The following BDNF variants were observed in gnomAD, a reference collection of about 807,000 sequenced individuals.
BDNF encodes neurotrophic factor BDNF precursor form.
Under a neutral mutation model 19.5 loss-of-function variants are expected in BDNF, and 1 was observed. The ratio of observed to expected loss-of-function variants is 0.05; its 90% CI spans 0.02 to 0.24. BDNF has a LOEUF of 0.24. Ranked by LOEUF, BDNF falls within the 10% of genes least tolerant of loss-of-function variation. BDNF has a pLI of 1.00. For missense variants in BDNF, 195 were observed against 317.6 expected (o/e 0.61, Z 2.93); for synonymous variants, 100 against 121.6 (o/e 0.82, Z 1.17).
At chr11:27,701,398 C>G, upstream of BDNF, 1 of 1,031,488 alleles carries the variant, frequency 9.7e-7, no homozygotes, top group South Asian at 3.7e-5. Flanking sequence ...ACGTTCCCTT[C>G]GCTTAATTAA....
Position 27,658,560 on chromosome 11 carries a change from G to C in BDNF, c.5C>G (p.Thr2Ser). The C allele has an allele frequency of 6.2e-7, 1 of 1,614,184 alleles. No homozygotes were observed. The highest frequency in any genetic ancestry group is 8.5e-7 in the Non-Finnish European group (1 of 1,180,010). The part of the protein sequence containing the change: M[T>S]ILFLTMVISY... ...AATAACCATAGTAAGGAAAAGGATG[G>C]TCATCACTCTTCTCACCTGGTGGAA... The change falls in exon 2 of 2, where the codon ACC (threonine) becomes AGC (serine). Residue 2 changes from threonine to serine, a missense_variant. Coordinates refer to ENST00000356660, the MANE Select transcript of BDNF (RefSeq NM_001709.5). This position sits in a 1 kb window ranked among gnomAD's most constrained non-coding sequence, Gnocchi z 5.7.
intron 1 of BDNF, among the ~76,000 whole-genome samples, chr11:27,695,628 A>G (rs80156843): frequency 0.025 from 3,823 of 152,250 alleles, 144 homozygotes; most frequent in African/African-American, 0.079. Context: ...GGAAAACTAT[A>G]TAACGTTCCT....
chr11:27,668,147 G>A (rs750056411), intron 1 of BDNF, among the ~76,000 whole-genome samples: 2 of 152,136 alleles, frequency 1.3e-5, no homozygotes, highest in Admixed American at 6.6e-5. Flanking sequence ...TGGAAACTGA[G>A]CAACCTGCTC....
At chr11:27,685,243 T>C (rs191468556) in intron 1 of BDNF, among the ~76,000 whole-genome samples, 20 of 152,342 alleles carry the variant, frequency 1.3e-4, no homozygotes, top group African/African-American at 4.3e-4. Flanking sequence ...AGTGGTGATA[T>C]CCTCTTTATC....
At chr11:27,716,205 T>A (rs1860501687) in intron 1 of BDNF, among the ~76,000 whole-genome samples, 1 of 152,186 alleles carries the variant, frequency 6.6e-6, no homozygotes, top group Admixed American at 6.5e-5. Context: ...TTTGAAATTA[T>A]AATCACCTTT....
At chr11:27,704,151 GT>G (rs1346827391), upstream of BDNF, among the ~76,000 whole-genome samples, 3 of 152,132 alleles carry the variant, frequency 2.0e-5, no homozygotes, top group Admixed American at 6.5e-5. Context: ...AAGTTTCCAA[GT>G]TTATAATCTG....
chr11:27,657,349 G>A lies in BDNF; in HGVS notation c.*472C>T, dbSNP rs1203327525. 5 of 997,234 alleles carry A rather than the reference G, an allele frequency of 5.0e-6. No individual in the cohort carries two copies. Among genetic ancestry groups the A allele is most frequent in the African/African-American group, 1.7e-5 (1 of 57,288 alleles). The allele number at this position is 997,234 out of a possible 1,614,324, so 61.8% of individuals were successfully genotyped here. ...ACCTTGACATTGTTTTAATTCCAAC[G>A]CTATCAGAAGTTAAAAGCAGTAAAA... On this transcript the variant is annotated 3_prime_UTR_variant, in exon 2 of 2. Coordinates refer to ENST00000356660, the MANE Select transcript of BDNF (RefSeq NM_001709.5). The surrounding 1 kb of genome is among the most constrained non-coding windows in gnomAD (Gnocchi z 5.0).
intron 1 of BDNF, among the ~76,000 whole-genome samples, chr11:27,684,012 C>T (rs4633417): frequency 0.48 from 72,375 of 151,866 alleles, 17,462 homozygotes; most frequent in Admixed American, 0.54. Flanking sequence ...GCCATTTTCA[C>T]GATATTGATT....
intron 1 of BDNF, among the ~76,000 whole-genome samples, chr11:27,683,818 A>G (rs1857146615): frequency 6.6e-6 from 1 of 152,116 alleles, no homozygotes; most frequent in Non-Finnish European, 1.5e-5. Context: ...GCCTTGTAGT[A>G]TAGTTTGAAG....
At chr11:27,660,944 G>C (rs1305297415) in intron 1 of BDNF, among the ~76,000 whole-genome samples, 1 of 151,866 alleles carries the variant, frequency 6.6e-6, no homozygotes, top group Non-Finnish European at 1.5e-5. Flanking sequence ...TTCTATACTT[G>C]GCTTCTAGTT....
chr11:27,683,183 G>A (rs1368002069), intron 1 of BDNF, among the ~76,000 whole-genome samples: 1 of 152,198 alleles, frequency 6.6e-6, no homozygotes, highest in Non-Finnish European at 1.5e-5. Context: ...TTCTTCGTAT[G>A]TTTGTTGGCA....
chr11:27,668,650 A>G lies in BDNF; in HGVS notation c.-21-10065T>C, dbSNP rs371448102. On this transcript the variant is annotated intron_variant, in intron 1 of 1. Transcript: ENST00000356660. ...ATAAACACTTCTATGCAAATAAACT[A>G]GAAAACCTAAAAGAAATTTATAAAT... Among the ~76,000 whole-genome samples the G allele has an allele frequency of 5.9e-5, 9 of 152,330 alleles. No homozygotes were observed. The East Asian group carries it at 1.4e-3, about 23-fold the overall frequency.
chr11:27,708,311 T>C (rs992886280), intron 1 of BDNF, among the ~76,000 whole-genome samples: 1 of 152,232 alleles, frequency 6.6e-6, no homozygotes, highest in African/African-American at 2.4e-5. Flanking sequence ...TTAGAACTAC[T>C]TTGCAAGCCA....
At chr11:27,705,818 T>C (rs985609219) in intron 1 of BDNF, among the ~76,000 whole-genome samples, 1 of 152,354 alleles carries the variant, frequency 6.6e-6, no homozygotes, top group African/African-American at 2.4e-5. Context: ...AGTCATTCAG[T>C]TGATGAAAGA....
chr11:27,674,319 C>T, intron 1 of BDNF: 5 of 1,546,668 alleles, frequency 3.2e-6, no homozygotes, highest in Non-Finnish European at 4.4e-6. Context: ...GCATCCCACT[C>T]TATAATTTCT....
upstream of BDNF, among the ~76,000 whole-genome samples, chr11:27,702,260 TG>T (rs1859936947): frequency 6.6e-6 from 1 of 152,196 alleles, no homozygotes; most frequent in Non-Finnish European, 1.5e-5. Flanking sequence ...AAAAATCACC[TG>T]GGTGAGTGTT....
At chr11:27,700,843 G>A, upstream of BDNF, 3 of 1,243,230 alleles carry the variant, frequency 2.4e-6, no homozygotes, top group South Asian at 2.8e-5. Context: ...CGCTGGGGCG[G>A]GAGGGAGCGA....
At chr11:27,664,437 GAGAA>G (rs1411158530) in intron 1 of BDNF, among the ~76,000 whole-genome samples, 1 of 152,038 alleles carries the variant, frequency 6.6e-6, no homozygotes, top group Non-Finnish European at 1.5e-5. Context: ...ATTTTATAAA[GAGAA>G]AGAAGTTACT....
At position 27,718,361 on chromosome 11, in the gene BDNF, C is replaced by T. The variant is rs576816937; in HGVS notation, c.3+3051G>A. Among the ~76,000 whole-genome samples the T allele has an allele frequency of 8.3e-4, 120 of 144,266 alleles. 4 individuals are homozygous for T. The highest frequency in any genetic ancestry group is 1.3e-3 in the Non-Finnish European group (86 of 64,898). 94.6% of individuals were successfully genotyped at this position (144,266 alleles called of 152,430 possible). On this transcript the variant is annotated intron_variant, in intron 1 of 1. Transcript: ENST00000314915. ...TTCCCCGTTCCGCACACCACCCCCC[C>T]CCGCCCCTCCCGGGATTTTGCAATA...
Sources: allele counts gnomAD v4.1 joint callset (sites outside exome capture counted in the v4.1 genomes callset), GRCh38; gene constraint gnomAD v4.1.1; non-coding constraint Gnocchi (gnomAD v3.1); transcripts MANE v1.5; gene names NCBI Gene and HGNC (gene_info 2026-07-23, HGNC 2026-07-21).